Variants in CALCOCO2 observed in about 807,000 individuals in gnomAD.
CALCOCO2 encodes calcium-binding and coiled-coil domain-containing protein 2.
A neutral mutation model predicts 62.5 loss-of-function variants in CALCOCO2; 42 were observed. That is an observed-to-expected ratio of 0.67 (90% CI 0.53 to 0.87). CALCOCO2 has a LOEUF of 0.87. Among genes scored for constraint, CALCOCO2 ranks in the 40% least tolerant of loss-of-function variants. CALCOCO2 has a pLI of 0.00. For missense variants in CALCOCO2, 456 were observed against 515.0 expected (o/e 0.89, Z 1.11); for synonymous variants, 167 against 173.0 (o/e 0.97, Z 0.27).
rs554968145 is a variant in CALCOCO2, at chr17:48,850,951, T to A, written c.544-138T>A. The stretch of plus-strand genomic sequence containing the variant: ...AAAAAAAAGAACATTTTCCTTTTAT[T>A]TGAGTATTTCATTTACTGCTGTGTC... On this transcript the variant is annotated intron_variant, in intron 5 of 12. Coordinates refer to ENST00000258947, the MANE Select transcript of CALCOCO2 (RefSeq NM_005831.5). The A allele has an allele frequency of 1.3e-4, 76 of 592,514 alleles. 1 individual carries two copies. The highest frequency in any genetic ancestry group is 9.7e-4 in the South Asian group (47 of 48,534). 36.7% of individuals were successfully genotyped at this position (592,514 alleles called of 1,614,324 possible).
At chr17:48,857,745 C>A (rs1189014783) in intron 10 of CALCOCO2, among the ~76,000 whole-genome samples, 2 of 149,252 alleles carry the variant, frequency 1.3e-5, no homozygotes, top group Non-Finnish European at 3.0e-5. Flanking sequence ...GAGGCCAAGG[C>A]AGGTGGATCA....
At chr17:48,847,235 G>C (rs533920588) in intron 2 of CALCOCO2, among the ~76,000 whole-genome samples, 1 of 152,158 alleles carries the variant, frequency 6.6e-6, no homozygotes, top group East Asian at 1.9e-4. Flanking sequence ...GAAAAATAAT[G>C]GGTTTTTTTT....
intron 10 of CALCOCO2, among the ~76,000 whole-genome samples, chr17:48,857,198 C>CTTTTT (rs34508915): frequency 7.8e-6 from 1 of 128,146 alleles, no homozygotes; most frequent in African/African-American, 3.0e-5. Flanking sequence ...CATCTTTACC[C>CTTTTT]TTTTTTTTTT....
At chr17:48,858,698 G>GT (rs1230268887) in intron 10 of CALCOCO2, among the ~76,000 whole-genome samples, 2 of 151,882 alleles carry the variant, frequency 1.3e-5, no homozygotes, top group Non-Finnish European at 2.9e-5. Flanking sequence ...TTGATTGTGG[G>GT]GGGGGGCAGG....
At chr17:48,831,975 GC>G (rs1379536553) in intron 1 of CALCOCO2, 3 of 152,188 alleles carry the variant, frequency 2.0e-5, no homozygotes, top group African/African-American at 7.2e-5. Flanking sequence ...CTATCCTTTG[GC>G]AGACATGACA....
intron 1 of CALCOCO2, among the ~76,000 whole-genome samples, chr17:48,838,754 A>G (rs186631123): frequency 6.6e-6 from 1 of 152,272 alleles, no homozygotes; most frequent in Non-Finnish European, 1.5e-5. Context: ...GTGTGCCTGT[A>G]TGTGTACACA....
chr17:48,842,638 ATTTC>A (rs1365645814), intron 2 of CALCOCO2: 1 of 49,866 alleles, frequency 2.0e-5, no homozygotes, highest in Non-Finnish European at 3.5e-5. Flanking sequence ...TGCCTAACTG[ATTTC>A]TTTCTTTTTT....
intron 6 of CALCOCO2, 126 bp downstream of exon 6, chr17:48,851,303 C>T: frequency 1.5e-6 from 1 of 680,412 alleles, no homozygotes; most frequent in Non-Finnish European, 2.6e-6. Context: ...TGTGATTCTC[C>T]ACCCTTTGAA....
chr17:48,852,073 G>C (rs1453719483), intron 7 of CALCOCO2, among the ~76,000 whole-genome samples: 1 of 151,738 alleles, frequency 6.6e-6, no homozygotes, highest in African/African-American at 2.4e-5. Context: ...CGGAGGCAAA[G>C]GTTGCAGTGA....
chr17:48,852,820 C>T, intron 8 of CALCOCO2, 106 bp from the exon 9 acceptor site: 1 of 995,732 alleles, frequency 1.0e-6, no homozygotes, highest in South Asian at 1.4e-5. Context: ...AGACTTGCCT[C>T]TCCCTATGCA....
In CALCOCO2 at chr17:48,849,288, C is replaced by A. The variant is rs1207089896; in HGVS notation, c.454C>A (p.Leu152Ile). The A allele has an allele frequency of 1.2e-6, 2 of 1,613,612 alleles. No individual in the cohort carries two copies. The highest frequency in any genetic ancestry group is 4.5e-5 in the East Asian group (2 of 44,862). Residue 152 changes from leucine to isoleucine, a missense_variant, in exon 5 of 13, where the codon CTT (leucine) becomes ATT (isoleucine). Leu to Ile is a conservative substitution (Grantham distance 5, BLOSUM62 2). Transcript: ENST00000258947. ...AGAGATTGAGCAGCACAACAAGGAG[C>A]TTTGCAAAGAAAACCAGGAGCTGAA... ...VEEIEQHNKE[L>I]CKENQELKDS...
chr17:48,848,765 G>T (rs1247716364), intron 4 of CALCOCO2: 1 of 528,544 alleles, frequency 1.9e-6, no homozygotes, highest in South Asian at 1.5e-5. Flanking sequence ...AAGCTCCTTT[G>T]AGGAGAGAAG....
intron 4 of CALCOCO2, 70 bp from the exon 5 acceptor site, chr17:48,849,182 A>G: frequency 6.7e-7 from 1 of 1,489,838 alleles, no homozygotes; most frequent in Non-Finnish European, 9.3e-7. Flanking sequence ...CCAGTCCCTC[A>G]CCATCCTAAC....
At chr17:48,852,368 A>G (rs543306740) in intron 7 of CALCOCO2, 138 bp from the exon 8 acceptor site, 3 of 681,504 alleles carry the variant, frequency 4.4e-6, no homozygotes, top group South Asian at 4.0e-5. Flanking sequence ...TTAAAGAGTG[A>G]TTTGTCTAAT....
intron 7 of CALCOCO2, among the ~76,000 whole-genome samples, chr17:48,852,143 A>G (rs1214075866): frequency 9.0e-6 from 1 of 111,124 alleles, no homozygotes; most frequent in Admixed American, 8.0e-5. Flanking sequence ...GTCTCAAGAG[A>G]AAAAAAAAAA....
chr17:48,849,224 A>G, intron 4 of CALCOCO2, 28 bp from the exon 5 acceptor site: 2 of 1,611,090 alleles, frequency 1.2e-6, no homozygotes, highest in Non-Finnish European at 1.7e-6. Flanking sequence ...GGGACTTGGA[A>G]TATAGTTTAT....
chr17:48,864,066 C>CTTTCT lies in CALCOCO2; in HGVS notation c.*1064_*1065insCTTTT, dbSNP rs2040362064. The CTTTCT allele has an allele frequency of 7.9e-6, 1 of 126,502 alleles. No homozygotes were observed. The highest frequency in any genetic ancestry group is 3.0e-5 in the African/African-American group (1 of 33,542). The allele number at this position is 126,502 out of a possible 1,614,324, so 7.8% of individuals were successfully genotyped here. ...TCCAAGGCCCTGGCTTGCTTTCTTTCTTTTTTTTTTTTTTTTTTTGAAACA... is the reference window on the plus strand; with the variant it reads ...TCCAAGGCCCTGGCTTGCTTTCTTTCTTTCTTTTTTTTTTTTTTTTTTTTGAAACA... On this transcript the variant is annotated 3_prime_UTR_variant, in exon 13 of 13. Coordinates refer to ENST00000258947, the MANE Select transcript of CALCOCO2 (RefSeq NM_005831.5).
chr17:48,831,689 G>C (rs893428074), intron 1 of CALCOCO2: 36 of 152,198 alleles, frequency 2.4e-4, no homozygotes, highest in African/African-American at 8.4e-4. Context: ...ACCCAGCTTA[G>C]TTTGGGAGCT....
chr17:48,858,573 G>A (rs746888713), intron 10 of CALCOCO2, among the ~76,000 whole-genome samples: 74 of 151,910 alleles, frequency 4.9e-4, no homozygotes, highest in Non-Finnish European at 9.1e-4. Context: ...CAAGCAATCC[G>A]CCCACCTCAG....
Sources: gnomAD v4.1 joint callset for allele counts (sites outside exome capture counted in the v4.1 genomes callset) on GRCh38, gnomAD v4.1.1 for gene constraint, MANE v1.5 for transcripts, NCBI Gene and HGNC (gene_info 2026-07-23, HGNC 2026-07-21) for gene names.